The following PKNOX2 variants were observed in gnomAD, a reference collection of about 807,000 sequenced individuals.
The protein encoded by PKNOX2 is PBX/knotted 1 homeobox 2.
In PKNOX2, 14 loss-of-function variants were observed where a neutral mutation model predicts 53.1. The observed-to-expected ratio is 0.26, with a 90% CI of 0.17 to 0.41. The LOEUF (loss-of-function observed/expected upper bound fraction) is 0.41, where lower values mean the gene tolerates loss of function less well. PKNOX2 is among the 10% of genes least tolerant of loss of function. PKNOX2 has a pLI of 1.00. For synonymous variants in PKNOX2, 257 were observed against 242.8 expected (o/e 1.06, Z -0.54); for missense variants, 496 against 602.8 (o/e 0.82, Z 1.85).
chr11:125,240,411 G>C lies in PKNOX2; in HGVS notation c.-130+5296G>C, dbSNP rs1466725923. ...TGTGACTATGCCTGCAGGAGAGGTG[G>C]CTATTTGGAGTCTTCTCCATAAACC... On this transcript the variant is annotated intron_variant, in intron 2 of 12. Coordinates refer to ENST00000298282, the MANE Select transcript of PKNOX2 (RefSeq NM_001382323.2). This position sits in a 1 kb window ranked among gnomAD's most constrained non-coding sequence, Gnocchi z 4.3. 1 of 152,218 alleles carries C rather than the reference G, an allele frequency of 6.6e-6. No individual in the cohort carries two copies. Among genetic ancestry groups the C allele is most frequent in the Non-Finnish European group, 1.5e-5 (1 of 68,048 alleles). The allele number at this position is 152,218 out of a possible 1,614,324, so 9.4% of individuals were successfully genotyped here. A position where few individuals can be genotyped will look rare whatever the true frequency, so the allele number is the denominator to read the frequency against.
At chr11:125,376,660 C>A (rs1407992516) in intron 5 of PKNOX2, among the ~76,000 whole-genome samples, 1 of 152,184 alleles carries the variant, frequency 6.6e-6, no homozygotes, top group Admixed American at 6.5e-5. Flanking sequence ...TTCCAATAGT[C>A]ATTGCTTACT....
At chr11:125,286,388 G>A (rs7932336) in intron 2 of PKNOX2, among the ~76,000 whole-genome samples, 28,440 of 152,212 alleles carry the variant, frequency 0.19, 2,888 homozygotes, top group East Asian at 0.27. Context: ...GTAGAGAAAA[G>A]AATCCTTTTG....
chr11:125,328,933 C>T (rs1949994333), intron 2 of PKNOX2, among the ~76,000 whole-genome samples: 1 of 152,206 alleles, frequency 6.6e-6, no homozygotes, highest in African/African-American at 2.4e-5. Flanking sequence ...GTATGACCTT[C>T]CTGCAAGTAA....
chr11:125,358,724 G>A (rs1351571539), intron 4 of PKNOX2, among the ~76,000 whole-genome samples: 1 of 152,212 alleles, frequency 6.6e-6, no homozygotes, highest in Non-Finnish European at 1.5e-5. Context: ...GGGCTAACTG[G>A]GTTGGGGAAT....
intron 2 of PKNOX2, among the ~76,000 whole-genome samples, chr11:125,322,178 G>A (rs959014382): frequency 1.3e-5 from 2 of 151,746 alleles, no homozygotes; most frequent in African/African-American, 2.4e-5. Flanking sequence ...GAAAGGTCTC[G>A]AATACCTGCA....
chr11:125,283,689 A>G (rs149826752), intron 2 of PKNOX2, among the ~76,000 whole-genome samples: 123 of 152,210 alleles, frequency 8.1e-4, no homozygotes, highest in Non-Finnish European at 1.4e-3. Flanking sequence ...GAAGAACAGA[A>G]GTGTCACTTA....
intron 2 of PKNOX2, among the ~76,000 whole-genome samples, chr11:125,269,979 C>T (rs1242305118): frequency 6.6e-6 from 1 of 152,124 alleles, no homozygotes; most frequent in East Asian, 1.9e-4. Context: ...ACTGGAGATA[C>T]AACAGTGACT....
chr11:125,193,087 G>A (rs905284607), intron 1 of PKNOX2, among the ~76,000 whole-genome samples: 7 of 152,180 alleles, frequency 4.6e-5, no homozygotes, highest in Non-Finnish European at 1.0e-4. Flanking sequence ...GACCTGTCTC[G>A]CTAGATAGAT....
At chr11:125,292,443 T>C (rs1036921569) in intron 2 of PKNOX2, among the ~76,000 whole-genome samples, 1 of 152,014 alleles carries the variant, frequency 6.6e-6, no homozygotes, top group African/African-American at 2.4e-5. Flanking sequence ...GGTGTGATGC[T>C]GGGTGGGGTG....
intron 1 of PKNOX2, among the ~76,000 whole-genome samples, chr11:125,189,069 C>T (rs1031363847): frequency 7.9e-5 from 12 of 151,976 alleles, no homozygotes; most frequent in African/African-American, 1.9e-4. Context: ...GAGAAGGCTG[C>T]GTTTTTGCTC....
chr11:125,258,962 G>A (rs1284054340), intron 2 of PKNOX2: 2 of 267,042 alleles, frequency 7.5e-6, no homozygotes, highest in Admixed American at 4.7e-5. Context: ...GTTCATCATG[G>A]TCTGCCATGG....
chr11:125,302,570 G>C (rs1430283096), intron 2 of PKNOX2, among the ~76,000 whole-genome samples: 3 of 152,198 alleles, frequency 2.0e-5, no homozygotes, highest in Admixed American at 2.0e-4. Flanking sequence ...TGTACTGGTG[G>C]GGCCATGCAG....
intron 3 of PKNOX2, among the ~76,000 whole-genome samples, chr11:125,348,563 G>A (rs1382529247): frequency 6.6e-6 from 1 of 152,200 alleles, no homozygotes; most frequent in Non-Finnish European, 1.5e-5. Context: ...GTGGGCTCAG[G>A]ACTGAACAGT....
At chr11:125,187,928 C>A (rs1264323140) in intron 1 of PKNOX2, among the ~76,000 whole-genome samples, 4 of 152,210 alleles carry the variant, frequency 2.6e-5, no homozygotes, top group Non-Finnish European at 5.9e-5. Flanking sequence ...TTGCTCAGAG[C>A]AAATACCCAC....
chr11:125,249,795 C>A (rs1214155637), intron 2 of PKNOX2, among the ~76,000 whole-genome samples: 3 of 152,010 alleles, frequency 2.0e-5, no homozygotes, highest in African/African-American at 7.2e-5. Context: ...TTGGGCTGCA[C>A]GCGGTAGCTC....
chr11:125,348,095 C>T (rs1403416207), intron 3 of PKNOX2, among the ~76,000 whole-genome samples: 1 of 152,164 alleles, frequency 6.6e-6, no homozygotes, highest in South Asian at 2.1e-4. Context: ...GCAGGCTTCC[C>T]CCAAAGGGCC....
At chr11:125,223,857 G>A (rs6590138) in intron 1 of PKNOX2, among the ~76,000 whole-genome samples, 2,442 of 152,318 alleles carry the variant, frequency 0.016, 63 homozygotes, top group African/African-American at 0.055. Flanking sequence ...GAGGCTGTGA[G>A]TGAAGGCCAC....
chr11:125,278,978 C>T (rs918315550), intron 2 of PKNOX2, among the ~76,000 whole-genome samples: 4 of 152,230 alleles, frequency 2.6e-5, no homozygotes, highest in Non-Finnish European at 5.9e-5. Flanking sequence ...CCCAGCCTGG[C>T]TGAGCCGGGA....
chr11:125,275,481 G>T (rs191261002), intron 2 of PKNOX2, among the ~76,000 whole-genome samples: 1 of 152,184 alleles, frequency 6.6e-6, no homozygotes, highest in African/African-American at 2.4e-5. Context: ...AACGGGGAGA[G>T]TGAGGAGAGC....
Sources: gnomAD v4.1 joint callset for allele counts (sites outside exome capture counted in the v4.1 genomes callset) on GRCh38, gnomAD v4.1.1 for gene constraint, Gnocchi (gnomAD v3.1) non-coding constraint, MANE v1.5 for transcripts, NCBI Gene and HGNC (gene_info 2026-07-23, HGNC 2026-07-21) for gene names.